RALGPS1: variants seen among roughly 807,000 people sequenced by gnomAD.
The protein encoded by RALGPS1 is ras-specific guanine nucleotide-releasing factor RalGPS1.
A neutral mutation model predicts 78.8 loss-of-function variants in RALGPS1; 19 were observed. The observed-to-expected ratio is 0.24, with a 90% CI of 0.17 to 0.35. RALGPS1 has a LOEUF of 0.35. Among genes scored for constraint, RALGPS1 ranks in the 10% least tolerant of loss-of-function variants. RALGPS1 has a pLI of 1.00. For synonymous variants in RALGPS1, 228 were observed against 256.3 expected (o/e 0.89, Z 1.06); for missense variants, 454 against 688.3 (o/e 0.66, Z 3.81).
chr9:127,159,673 C>A (rs967671271), intron 8 of RALGPS1, among the ~76,000 whole-genome samples: 1 of 152,180 alleles, frequency 6.6e-6, no homozygotes, highest in Non-Finnish European at 1.5e-5. Context: ...TCTCAGGGAG[C>A]CTGGGCCGCC....
In RALGPS1 at chr9:127,207,446, A is replaced by G. The variant is rs541019170; in HGVS notation, c.1248-4685A>G. 7.2e-5 allele frequency among the ~76,000 whole-genome samples: 11 copies of G among 152,192 alleles called. No individual in the cohort carries two copies. The South Asian group carries it at 1.2e-3, about 17-fold the overall frequency. ...TTCAGCCACAGGTTCTCAGAATGAC[A>G]CTGGGAAAGGTGTCTGTGGTTCTGG... On this transcript the variant is annotated intron_variant, in intron 14 of 18. Coordinates refer to ENST00000259351, the MANE Select transcript of RALGPS1 (RefSeq NM_014636.3).
At chr9:127,078,654 C>G (rs919349681) in intron 8 of RALGPS1, among the ~76,000 whole-genome samples, 4 of 152,204 alleles carry the variant, frequency 2.6e-5, no homozygotes, top group African/African-American at 9.6e-5. Flanking sequence ...TTTGTCCCTT[C>G]TGGGGCAAAG....
At chr9:127,063,250 C>T (rs1309779221) in intron 7 of RALGPS1, among the ~76,000 whole-genome samples, 1 of 152,128 alleles carries the variant, frequency 6.6e-6, no homozygotes, top group Non-Finnish European at 1.5e-5. Flanking sequence ...ATACAAGTGC[C>T]ACATACAAGG....
rs752846003 is a variant in RALGPS1 at position 127,148,166 on chromosome 9, C to A, written c.611-17903C>A. ...GGAGGCAGCACAGTATCTGTGGATTCGGTGTATGAGAAGCTGCGGTTGCCC... is the reference window on the plus strand; with the variant it reads ...GGAGGCAGCACAGTATCTGTGGATTAGGTGTATGAGAAGCTGCGGTTGCCC... On this transcript the variant is annotated intron_variant, in intron 8 of 18. Coordinates refer to ENST00000259351, the MANE Select transcript of RALGPS1 (RefSeq NM_014636.3). Among the ~76,000 whole-genome samples the A allele has an allele frequency of 1.9e-4, 29 of 152,210 alleles. 1 individual carries two copies. The highest frequency in any genetic ancestry group is 6.5e-5 in the Admixed American group (1 of 15,284).
chr9:126,956,915 C>T (rs1030882136), intron 1 of RALGPS1, among the ~76,000 whole-genome samples: 10 of 152,176 alleles, frequency 6.6e-5, no homozygotes, highest in Admixed American at 2.0e-4. Flanking sequence ...AGTGCTCACC[C>T]GGACTCTTGC....
At chr9:126,952,005 A>G (rs1345012557) in intron 1 of RALGPS1, among the ~76,000 whole-genome samples, 3 of 152,242 alleles carry the variant, frequency 2.0e-5, no homozygotes, top group Non-Finnish European at 4.4e-5. Flanking sequence ...CAAAAATCAC[A>G]AGCATTCTTA....
intron 8 of RALGPS1, among the ~76,000 whole-genome samples, chr9:127,085,352 C>T (rs2051598003): frequency 6.6e-6 from 1 of 152,154 alleles, no homozygotes; most frequent in African/African-American, 2.4e-5. Context: ...GATTGTAGTC[C>T]TTAAAAGGTC....
At chr9:127,202,105 A>G (rs1055576528) in intron 14 of RALGPS1, among the ~76,000 whole-genome samples, 4 of 152,072 alleles carry the variant, frequency 2.6e-5, no homozygotes, top group Non-Finnish European at 4.4e-5. Context: ...CTGCCCCTCA[A>G]CCCTGGTAAT....
intron 7 of RALGPS1, among the ~76,000 whole-genome samples, chr9:127,053,858 G>C (rs2048496676): frequency 6.6e-6 from 1 of 152,198 alleles, no homozygotes; most frequent in South Asian, 2.1e-4. Flanking sequence ...AAAGTAGAGT[G>C]AGAAGTTTTA....
At chr9:127,064,879 G>A (rs1455698065) in intron 7 of RALGPS1, among the ~76,000 whole-genome samples, 1 of 116,294 alleles carries the variant, frequency 8.6e-6, no homozygotes, top group African/African-American at 3.7e-5. Flanking sequence ...TTATTTTTTT[G>A]TTTTGTTTTT....
intron 2 of RALGPS1, among the ~76,000 whole-genome samples, chr9:126,965,063 G>C (rs540706743): frequency 6.6e-6 from 1 of 152,280 alleles, no homozygotes; most frequent in Admixed American, 6.5e-5. Context: ...AACATTCTGG[G>C]ATCCCCACAG....
chr9:126,941,224 T>C (rs1012240902), intron 1 of RALGPS1, among the ~76,000 whole-genome samples: 4 of 151,710 alleles, frequency 2.6e-5, no homozygotes, highest in African/African-American at 9.7e-5. Context: ...AGGAAGAAGA[T>C]TGGATAAGAT....
Position 127,115,466 on chromosome 9 carries a change from C to T in RALGPS1, c.610+46110C>T, listed in dbSNP as rs116958664. On this transcript the variant is annotated intron_variant, in intron 8 of 18. Coordinates refer to ENST00000259351, the MANE Select transcript of RALGPS1 (RefSeq NM_014636.3). Reference sequence around the variant, plus strand: ...AATATTGTCCTGACTGAGCAACAAACTATATGATCCCATTACCTAAGAGAA... The same window carrying T: ...AATATTGTCCTGACTGAGCAACAAATTATATGATCCCATTACCTAAGAGAA... 5.3e-3 allele frequency among the ~76,000 whole-genome samples: 808 copies of T among 152,332 alleles called. 24 individuals carry two copies. In the East Asian group the frequency reaches 0.084, roughly 16 times the overall value.
chr9:127,050,639 C>A (rs1415840615), intron 6 of RALGPS1, among the ~76,000 whole-genome samples: 1 of 152,160 alleles, frequency 6.6e-6, no homozygotes, highest in Non-Finnish European at 1.5e-5. Flanking sequence ...CCACCTCCTG[C>A]CCCCGGCCTG....
chr9:126,953,680 A>G (rs778452543), intron 1 of RALGPS1, among the ~76,000 whole-genome samples: 27 of 152,338 alleles, frequency 1.8e-4, no homozygotes, highest in African/African-American at 5.5e-4. Context: ...AATTGTCTCA[A>G]TGACAATGAT....
At chr9:127,137,304 C>T (rs987189516) in intron 8 of RALGPS1, among the ~76,000 whole-genome samples, 1 of 152,196 alleles carries the variant, frequency 6.6e-6, no homozygotes, top group Non-Finnish European at 1.5e-5. Context: ...AGTTGGAGTC[C>T]TTGTCTGGAT....
At chr9:127,046,035 C>T (rs1214213911) in intron 5 of RALGPS1, among the ~76,000 whole-genome samples, 1 of 152,100 alleles carries the variant, frequency 6.6e-6, no homozygotes, top group African/African-American at 2.4e-5. Flanking sequence ...CAAACCAAAA[C>T]AATACAGGGG....
intron 8 of RALGPS1, among the ~76,000 whole-genome samples, chr9:127,148,544 C>A (rs1000202964): frequency 3.3e-5 from 5 of 152,214 alleles, no homozygotes; most frequent in African/African-American, 4.8e-5. Flanking sequence ...TGTTGGTTTG[C>A]TTATATGACC....
chr9:127,152,096 C>G (rs993752099), intron 8 of RALGPS1, among the ~76,000 whole-genome samples: 2 of 152,064 alleles, frequency 1.3e-5, no homozygotes, highest in African/African-American at 2.4e-5. Context: ...TCGCATCCAC[C>G]CGCAGTTTCA....
Sources: allele counts gnomAD v4.1 joint callset (sites outside exome capture counted in the v4.1 genomes callset), GRCh38; gene constraint gnomAD v4.1.1; transcripts MANE v1.5; gene names NCBI Gene and HGNC (gene_info 2026-07-23, HGNC 2026-07-21).